LMNTD1: variants seen among roughly 807,000 people sequenced by gnomAD.
LMNTD1 encodes lamin tail domain-containing protein 1.
In LMNTD1, 35 loss-of-function variants were observed where a neutral mutation model predicts 50.9. The observed-to-expected ratio is 0.69, with a 90% confidence interval of 0.53 to 0.91. The LOEUF (loss-of-function observed/expected upper bound fraction) is 0.91, where lower values mean the gene tolerates loss of function less well. Ranked by LOEUF, LMNTD1 falls within the 40% of genes least tolerant of loss-of-function variation. The pLI is 0.00. For missense variants in LMNTD1, 470 were observed against 475.5 expected, an observed-to-expected ratio of 0.99 and a Z score of 0.11; for synonymous variants, 153 against 161.9, an observed-to-expected ratio of 0.94 and a Z score of 0.42.
At chr12:25,596,083 T>C (rs1475495396) in intron 1 of LMNTD1, among the ~76,000 whole-genome samples, 1 of 151,968 alleles carries the variant, frequency 6.6e-6, no homozygotes, top group Non-Finnish European at 1.5e-5. Flanking sequence ...AGCAGTAAGA[T>C]TGAAATGGTA....
chr12:25,553,262 G>A lies in LMNTD1; in HGVS notation c.-224C>T. 2 of 1,453,134 alleles carry A rather than the reference G, an allele frequency of 1.4e-6. No individual in the cohort carries two copies. Among genetic ancestry groups the A allele is most frequent in the Admixed American group, 5.6e-5 (2 of 35,424 alleles). The allele number at this position is 1,453,134 out of a possible 1,614,324, so 90.0% of individuals were successfully genotyped here. ...AGCAGCTTGAGAGGGCAGTAACTTG[G>A]CAAAGAGACCTTTATGACTACAGTT... is the stretch of plus-strand genomic sequence containing the variant. On this transcript the variant is annotated 5_prime_UTR_variant, in exon 1 of 10. Coordinates refer to ENST00000458174, the MANE Select transcript of LMNTD1 (RefSeq NM_001145728.2).
chr12:25,508,223 TG>T (rs1939969445), intron 8 of LMNTD1, among the ~76,000 whole-genome samples: 1 of 152,216 alleles, frequency 6.6e-6, no homozygotes, highest in Non-Finnish European at 1.5e-5. Flanking sequence ...AAACACCACT[TG>T]GATCAAGAAA....
intron 4 of LMNTD1, among the ~76,000 whole-genome samples, chr12:25,536,741 G>A (rs1466852174): frequency 1.3e-5 from 2 of 152,202 alleles, no homozygotes; most frequent in African/African-American, 4.8e-5. Context: ...GGCCAAATAG[G>A]AACAGCTCCA....
chr12:25,618,894 A>C (rs939847201), intron 1 of LMNTD1, among the ~76,000 whole-genome samples: 1 of 152,190 alleles, frequency 6.6e-6, no homozygotes, highest in Non-Finnish European at 1.5e-5. Context: ...AAAACCTAAT[A>C]GCCATTCACT....
At chr12:25,585,747 C>T (rs1945495180) in intron 1 of LMNTD1, among the ~76,000 whole-genome samples, 1 of 152,072 alleles carries the variant, frequency 6.6e-6, no homozygotes, top group Non-Finnish European at 1.5e-5. Flanking sequence ...TAAGTTTTTG[C>T]CTCAATTATC....
Position 25,546,483 on chromosome 12 carries a change from G to A in LMNTD1, c.382C>T (p.Leu128Phe), listed in dbSNP as rs1289584459. The A allele has an allele frequency of 1.9e-6, 3 of 1,599,864 alleles. No homozygotes were observed. Among genetic ancestry groups the A allele is most frequent in the African/African-American group, 1.3e-5 (1 of 74,232 alleles). The change falls in exon 4 of 10, where the codon CTT becomes TTT. Residue 128 changes from leucine (L) to phenylalanine (F), a missense_variant. Transcript: ENST00000458174. ...PMIGDGEDYFLSLFGDSKKLT... is the reference protein window; with the variant it reads ...PMIGDGEDYFFSLFGDSKKLT... ...TTCTTTGAATCACCAAACAAAGAAA[G>A]GAAATAATCTTCTCCATCCCCAATC...
At chr12:25,613,772 G>A (rs938486055) in intron 1 of LMNTD1, among the ~76,000 whole-genome samples, 1 of 150,452 alleles carries the variant, frequency 6.6e-6, no homozygotes, top group South Asian at 2.1e-4. Context: ...GTAAACATTG[G>A]AAAGAGAGAA....
intron 9 of LMNTD1, among the ~76,000 whole-genome samples, chr12:25,482,103 C>G (rs372781430): frequency 1.3e-5 from 2 of 151,612 alleles, no homozygotes; most frequent in Non-Finnish European, 2.9e-5. Flanking sequence ...AAAATGGATG[C>G]AAAAAATGAA....
chr12:25,627,934 C>T (rs1014379944), intron 1 of LMNTD1, among the ~76,000 whole-genome samples: 1 of 150,902 alleles, frequency 6.6e-6, no homozygotes, highest in African/African-American at 2.4e-5. Context: ...ACGGTGAAAC[C>T]CCGTCTCTAC....
At chr12:25,629,346 C>T (rs78813436) in intron 1 of LMNTD1, among the ~76,000 whole-genome samples, 1,677 of 152,296 alleles carry the variant, frequency 0.011, 16 homozygotes, top group African/African-American at 0.039. Flanking sequence ...AACAAGAGGT[C>T]TGGGGCTTCT....
intron 4 of LMNTD1, among the ~76,000 whole-genome samples, chr12:25,529,683 TCA>T (rs1394494918): frequency 6.6e-6 from 1 of 152,158 alleles, no homozygotes; most frequent in South Asian, 2.1e-4. Context: ...ACTATTATCC[TCA>T]GTCTTACCCC....
chr12:25,527,681 T>C (rs371854151), intron 4 of LMNTD1, among the ~76,000 whole-genome samples: 2,184 of 30,624 alleles, frequency 0.071, 78 homozygotes, highest in Admixed American at 0.088. Context: ...TATATATATA[T>C]ACACACACAC....
chr12:25,596,374 C>A (rs1231724116), intron 1 of LMNTD1, among the ~76,000 whole-genome samples: 1 of 152,038 alleles, frequency 6.6e-6, no homozygotes, highest in Non-Finnish European at 1.5e-5. Flanking sequence ...AGATAATCCA[C>A]CATGATCAAG....
At chr12:25,598,599 C>T (rs193210079) in intron 1 of LMNTD1, among the ~76,000 whole-genome samples, 199 of 151,542 alleles carry the variant, frequency 1.3e-3, no homozygotes, top group African/African-American at 3.6e-3. Flanking sequence ...AAAATTGACA[C>T]GCTTTTAACC....
chr12:25,585,452 T>A (rs1411456974), intron 1 of LMNTD1, among the ~76,000 whole-genome samples: 1 of 152,218 alleles, frequency 6.6e-6, no homozygotes, highest in Non-Finnish European at 1.5e-5. Context: ...GGTGGAACAT[T>A]ATGTACTTAA....
At chr12:25,614,243 C>T (rs185114591) in intron 1 of LMNTD1, among the ~76,000 whole-genome samples, 5 of 152,106 alleles carry the variant, frequency 3.3e-5, no homozygotes, top group Admixed American at 1.3e-4. Flanking sequence ...CTTCTGGCCT[C>T]ATCAGTTGCT....
At chr12:25,626,191 A>T (rs1946585054) in intron 1 of LMNTD1, among the ~76,000 whole-genome samples, 1 of 152,166 alleles carries the variant, frequency 6.6e-6, no homozygotes, top group Non-Finnish European at 1.5e-5. Context: ...AGCAATATCA[A>T]ATTCCTTTTT....
intron 4 of LMNTD1, among the ~76,000 whole-genome samples, chr12:25,530,502 G>C (rs73076333): frequency 0.13 from 19,891 of 152,118 alleles, 1,308 homozygotes; most frequent in East Asian, 0.2. Context: ...AATTTTCCTA[G>C]TTAATTAGAT....
intron 4 of LMNTD1, among the ~76,000 whole-genome samples, chr12:25,530,222 TTTAA>T (rs1450806729): frequency 6.6e-6 from 1 of 152,194 alleles, no homozygotes; most frequent in African/African-American, 2.4e-5. Context: ...TAGCATAGTA[TTTAA>T]TTATATGCAC....
Sources: allele counts gnomAD v4.1 joint callset (sites outside exome capture counted in the v4.1 genomes callset), GRCh38; gene constraint gnomAD v4.1.1; transcripts MANE v1.5; gene names NCBI Gene and HGNC (gene_info 2026-07-23, HGNC 2026-07-21).